The following PRRT4 variants were observed in gnomAD, a reference collection of about 807,000 sequenced individuals.
PRRT4 encodes the protein proline rich transmembrane protein 4, also known as proline-rich transmembrane protein 4.
PRRT4 carries 59 observed loss-of-function variants against 55.6 expected under a neutral mutation model. The ratio of observed to expected loss-of-function variants is 1.06; its 90% CI spans 0.86 to 1.32. The LOEUF is 1.32. Ranked by LOEUF, PRRT4 falls within the 40% of genes most tolerant of loss-of-function variation. The pLI is 0.00. For synonymous variants in PRRT4, 606 were observed against 601.8 expected, an observed-to-expected ratio of 1.01 and a Z score of -0.10; for missense variants, 1,217 against 1,222.0, an observed-to-expected ratio of 1.00 and a Z score of 0.06.
intron 4 of PRRT4, among the ~76,000 whole-genome samples, chr7:128,353,710 A>T (rs1007057604): frequency 6.6e-6 from 1 of 152,208 alleles, no homozygotes; most frequent in Non-Finnish European, 1.5e-5. Flanking sequence ...CCCAGGTCTC[A>T]AAAGGTGCCC....
chr7:128,351,882 C>A lies in PRRT4; in HGVS notation c.1674G>T (p.Ala558=), dbSNP rs535029813. 155 of 1,326,278 alleles carry A rather than the reference C, an allele frequency of 1.2e-4. No homozygotes were observed. The African/African-American group carries it at 2.2e-3, about 19-fold the overall frequency. 82.2% of individuals were successfully genotyped at this position (1,326,278 alleles called of 1,614,324 possible). The change falls in exon 5 of 5, where the codon GCG becomes GCT. Residue 558 remains alanine (A), a synonymous_variant. Coordinates refer to ENST00000535159, the Ensembl canonical transcript of PRRT4. The stretch of plus-strand genomic sequence containing the variant: ...AGGTGCCCGCCACCGGGGCCGTGCG[C>A]GCCGCGCGCCGCCAGGACTCCCGAG...
At chr7:128,357,596 T>G (rs536211813) in intron 4 of PRRT4, among the ~76,000 whole-genome samples, 7 of 152,270 alleles carry the variant, frequency 4.6e-5, no homozygotes, top group African/African-American at 1.7e-4. Flanking sequence ...TCACCCACCA[T>G]CCAAGGGAGT....
Position 128,361,097 on chromosome 7 carries a change from TCTCTCTCA to T in PRRT4, c.-73+456_-73+463del, listed in dbSNP as rs1158042854. Among the ~76,000 whole-genome samples, 31 of 136,382 alleles carry T rather than the reference TCTCTCTCA, an allele frequency of 2.3e-4. No individual in the cohort carries two copies. In the South Asian group the frequency reaches 3.6e-3, roughly 16 times the overall value. The allele number at this position is 136,382 out of a possible 152,430, so 89.5% of individuals were successfully genotyped here. ...CCCTGTCTCTCTCTCTCTCTCTCTC[TCTCTCTCA>T]CACACACACACACACACACACACAC... On this transcript the variant is annotated intron_variant, in intron 1 of 4. Transcript: ENST00000535159.
At chr7:128,357,517 C>A (rs1346284395) in intron 4 of PRRT4, among the ~76,000 whole-genome samples, 2 of 152,180 alleles carry the variant, frequency 1.3e-5, no homozygotes, top group Non-Finnish European at 2.9e-5. Flanking sequence ...GGCACAGAAA[C>A]TGCCCCCTAC....
At chr7:128,352,614 C>T (rs1265496605) in exon 5 of PRRT4, 15 of 1,542,324 alleles carry the variant, frequency 9.7e-6, no homozygotes, top group Non-Finnish European at 1.2e-5. Flanking sequence ...CTGGCTGCCC[C>T]GAAGGGTTCC....
At chr7:128,354,622 A>G (rs1797075433) in intron 4 of PRRT4, among the ~76,000 whole-genome samples, 1 of 152,042 alleles carries the variant, frequency 6.6e-6, no homozygotes, top group Admixed American at 6.6e-5. Flanking sequence ...TAAAAATAAT[A>G]AATGCGTAAA....
intron 4 of PRRT4, among the ~76,000 whole-genome samples, chr7:128,355,492 G>A (rs533698730): frequency 7.6e-4 from 115 of 152,224 alleles, no homozygotes; most frequent in African/African-American, 2.1e-3. Context: ...CACCGCGCCC[G>A]GCCAAATAAT....
At chr7:128,352,763 G>A (rs1797027884) in intron 4 of PRRT4, 85 bp from the exon 6 acceptor site, 1 of 1,293,560 alleles carries the variant, frequency 7.7e-7, no homozygotes, top group African/African-American at 1.5e-5. Context: ...ATGCCAGTCA[G>A]AGTCCCCTAC....
exon 5 of PRRT4, chr7:128,351,967 A>C: frequency 7.7e-7 from 1 of 1,301,466 alleles, no homozygotes. Flanking sequence ...CGACCCTCCC[A>C]GGGGCGCCCC....
At chr7:128,357,607 G>A (rs554281701) in intron 4 of PRRT4, among the ~76,000 whole-genome samples, 2 of 152,354 alleles carry the variant, frequency 1.3e-5, no homozygotes, top group Middle Eastern at 3.4e-3. Context: ...CCAAGGGAGT[G>A]CAGTGACTGT....
intron 1 of PRRT4, 36 bp from the exon 3 acceptor site, chr7:128,360,099 G>A: frequency 1.1e-6 from 1 of 902,866 alleles, no homozygotes; most frequent in Non-Finnish European, 1.5e-6. Context: ...CCCTGGCTGT[G>A]GCCCCCCTCT....
At chr7:128,351,692 G>A (rs1312382982) in exon 5 of PRRT4, 8 of 1,507,030 alleles carry the variant, frequency 5.3e-6, no homozygotes, top group Admixed American at 4.2e-5. Flanking sequence ...CAGAGCGCCG[G>A]GTAGAGGCCC....
chr7:128,353,729 T>C (rs1017132232), intron 4 of PRRT4, among the ~76,000 whole-genome samples: 1 of 152,124 alleles, frequency 6.6e-6, no homozygotes, highest in African/African-American at 2.4e-5. Flanking sequence ...CCTTAGGAAC[T>C]CCCAGGGAGA....
intron 4 of PRRT4, among the ~76,000 whole-genome samples, chr7:128,354,002 T>C (rs1036384698): frequency 3.3e-5 from 5 of 152,224 alleles, no homozygotes; most frequent in Admixed American, 3.3e-4. Flanking sequence ...TGCTGGAAGC[T>C]GAACCTCTAT....
intron 4 of PRRT4, among the ~76,000 whole-genome samples, chr7:128,355,178 T>A (rs183818205): frequency 2.5e-4 from 38 of 152,030 alleles, no homozygotes; most frequent in African/African-American, 8.9e-4. Context: ...GTTTAACTAA[T>A]AACTTTGGGT....
chr7:128,354,461 G>A lies in PRRT4; in HGVS notation c.878-1783C>T, dbSNP rs1216853742. On this transcript the variant is annotated intron_variant, in intron 4 of 4. Coordinates refer to ENST00000535159, the Ensembl canonical transcript of PRRT4. ...TGCCTGTAATCCCAGCTACTCTGGA[G>A]GCTGAGGCAGGAGAATCGCTTGAAC... Among the ~76,000 whole-genome samples the A allele has an allele frequency of 3.3e-5, 5 of 152,180 alleles. No homozygotes were observed. The South Asian group carries it at 1.0e-3, about 32-fold the overall frequency.
intron 4 of PRRT4, among the ~76,000 whole-genome samples, chr7:128,356,330 G>T (rs1797111288): frequency 6.6e-6 from 1 of 151,950 alleles, no homozygotes; most frequent in Admixed American, 6.6e-5. Context: ...AAAGTACAGG[G>T]GTGGCTCAAG....
exon 5 of PRRT4, chr7:128,351,311 C>T: frequency 6.5e-7 from 1 of 1,544,894 alleles, no homozygotes; most frequent in Non-Finnish European, 8.7e-7. Flanking sequence ...AAGGCAGGGC[C>T]CTGGAAGAGG....
At chr7:128,350,462 C>G, downstream of PRRT4, 1 of 234,132 alleles carries the variant, frequency 4.3e-6, no homozygotes, top group Non-Finnish European at 8.2e-6. Flanking sequence ...GGGTGGGATT[C>G]CTAGGCATGG....
Sources: allele counts gnomAD v4.1 joint callset (sites outside exome capture counted in the v4.1 genomes callset), GRCh38; gene constraint gnomAD v4.1.1; transcripts MANE v1.5; gene names NCBI Gene and HGNC (gene_info 2026-07-23, HGNC 2026-07-21).